Variants in NSD2 observed in about 807,000 individuals in gnomAD.
The protein encoded by NSD2 is histone-lysine N-methyltransferase NSD2.
A neutral mutation model predicts 139.0 loss-of-function variants in NSD2; 12 were observed. The ratio of observed to expected loss-of-function variants is 0.09; its 90% CI spans 0.06 to 0.14. The LOEUF is 0.14. NSD2 is among the 10% of genes least tolerant of loss of function. NSD2 has a pLI of 1.00. For synonymous variants in NSD2, 669 were observed against 648.7 expected, an observed-to-expected ratio of 1.03 and a Z score of -0.48; for missense variants, 1,155 against 1,745.0, an observed-to-expected ratio of 0.66 and a Z score of 6.02.
chr4:1,878,226 GAT>G (rs1164167293), intron 1 of NSD2, among the ~76,000 whole-genome samples: 1,086 of 25,970 alleles, frequency 0.042, 83 homozygotes, highest in Non-Finnish European at 0.054. Flanking sequence ...ATGCCCGGCT[GAT>G]ATATATATAT....
At chr4:1,898,690 CTTTTTTT>C (rs79385915) in intron 1 of NSD2, among the ~76,000 whole-genome samples, 3 of 134,846 alleles carry the variant, frequency 2.2e-5, no homozygotes. Context: ...AAAAAACACA[CTTTTTTT>C]TTTTTTTTTG....
At chr4:1,894,187 C>G (rs1305958857) in intron 1 of NSD2, among the ~76,000 whole-genome samples, 2 of 151,930 alleles carry the variant, frequency 1.3e-5, no homozygotes, top group East Asian at 3.9e-4. Flanking sequence ...AGACTCCTGA[C>G]CTCGAGTGAT....
At chr4:1,963,388 G>T (rs1367874249) in intron 18 of NSD2, among the ~76,000 whole-genome samples, 1 of 152,164 alleles carries the variant, frequency 6.6e-6, no homozygotes, top group African/African-American at 2.4e-5. Context: ...CCTAGGGAAG[G>T]GACTAATAAA....
rs952696989 is a variant in NSD2, at chr4:1,976,319, C to A, written c.3622-156C>A. Reference sequence around the variant, plus strand: ...CTGAGTCGAGTGAGTCTAAGGATGTCTGGGGAGCACGAGGAGGACACTCCT... The same window carrying A: ...CTGAGTCGAGTGAGTCTAAGGATGTATGGGGAGCACGAGGAGGACACTCCT... On this transcript the variant is annotated intron_variant, in intron 20 of 21. Coordinates refer to ENST00000508803, the MANE Select transcript of NSD2 (RefSeq NM_001042424.3). This position sits in a 1 kb window ranked among gnomAD's most constrained non-coding sequence, Gnocchi z 5.3. The A allele has an allele frequency of 3.9e-6, 3 of 763,044 alleles. No homozygotes were observed. Among genetic ancestry groups the A allele is most frequent in the Non-Finnish European group, 6.4e-6 (3 of 467,870 alleles). 47.3% of individuals were successfully genotyped at this position (763,044 alleles called of 1,614,324 possible).
chr4:1,880,332 A>G (rs184277377), intron 1 of NSD2, among the ~76,000 whole-genome samples: 33 of 152,046 alleles, frequency 2.2e-4, no homozygotes, highest in African/African-American at 7.5e-4. Flanking sequence ...CTGACCTCTG[A>G]TTCTGTACCC....
intron 9 of NSD2, chr4:1,941,163 A>G: frequency 9.5e-7 from 1 of 1,053,660 alleles, no homozygotes; most frequent in Non-Finnish European, 1.1e-6. Context: ...GTCCAAGTTC[A>G]GGTTAAAATC....
chr4:1,978,774 C>G lies in NSD2; in HGVS notation c.3963C>G (p.Ser1321=), dbSNP rs770823768. 4.3e-6 allele frequency: 7 copies of G among 1,614,020 alleles called. No homozygotes were observed. Among genetic ancestry groups the G allele is most frequent in the Non-Finnish European group, 5.9e-6 (7 of 1,179,912 alleles). Reference sequence around the variant, plus strand: ...TCAGCTGCACCCCGGACGGGCGGTCCTACTGCTGTGAGCATGACTTAGGGG... The same window carrying G: ...TCAGCTGCACCCCGGACGGGCGGTCGTACTGCTGTGAGCATGACTTAGGGG... ...TAFSCTPDGR[S]YCCEHDLGAA... Residue 1321 remains serine, a synonymous_variant, in exon 22 of 22, where the codon TCC becomes TCG. Coordinates refer to ENST00000508803, the MANE Select transcript of NSD2 (RefSeq NM_001042424.3).
At chr4:1,938,621 G>T in intron 8 of NSD2, 89 bp downstream of exon 8, 1 of 1,163,728 alleles carries the variant, frequency 8.6e-7, no homozygotes, top group Non-Finnish European at 1.3e-6. Flanking sequence ...GGGGAAGGCT[G>T]GGGCTGGTGA....
intron 9 of NSD2, chr4:1,945,915 TC>T: frequency 9.4e-7 from 1 of 1,058,594 alleles, no homozygotes; most frequent in Non-Finnish European, 1.1e-6. Context: ...ACAACACACT[TC>T]TCTAACATCT....
In NSD2 at chr4:1,956,737, C is replaced by T. The variant is rs1315597703; in HGVS notation, c.2881+549C>T. Among the ~76,000 whole-genome samples the T allele has an allele frequency of 2.0e-5, 3 of 152,170 alleles. No individual in the cohort carries two copies. The highest frequency in any genetic ancestry group is 2.0e-4 in the Admixed American group (3 of 15,278). On this transcript the variant is annotated intron_variant, in intron 15 of 21. Transcript: ENST00000508803. This position sits in a 1 kb window ranked among gnomAD's most constrained non-coding sequence, Gnocchi z 5.3. ...AACTGGAGGAACTGGTATTTATGAT[C>T]GGTCAAGAGAGAATGAGGCCAGTAG...
chr4:1,872,633 A>AGAGAGAGAGAGAGAGAGAGAGAGC (rs1203166315), intron 1 of NSD2, among the ~76,000 whole-genome samples: 5 of 131,114 alleles, frequency 3.8e-5, no homozygotes, highest in Non-Finnish European at 5.1e-5. Flanking sequence ...AGAGAGAGAG[A>AGAGAGAGAGAGAGAGAGAGAGAGC]GAGCGCGCAG....
intron 5 of NSD2, among the ~76,000 whole-genome samples, chr4:1,929,742 G>A (rs1274141360): frequency 6.6e-6 from 1 of 152,180 alleles, no homozygotes; most frequent in Non-Finnish European, 1.5e-5. Context: ...TGGCTGGCTG[G>A]CATTAGTGTG....
Position 1,980,555 on chromosome 4 carries a change from G to T in NSD2, c.*1646G>T, listed in dbSNP as rs1727655164. The T allele has an allele frequency of 4.3e-6, 1 of 233,148 alleles. No homozygotes were observed. The highest frequency in any genetic ancestry group is 2.2e-5 in the African/African-American group (1 of 45,326). 14.4% of individuals were successfully genotyped at this position (233,148 alleles called of 1,614,324 possible). On this transcript the variant is annotated 3_prime_UTR_variant, in exon 22 of 22. Transcript: ENST00000508803. ...CTTGGTAAAAACTGCAGTGTCTTTGGACCTGAGAGTGGCTACTCCGTGGTT... is the reference window on the plus strand; with the variant it reads ...CTTGGTAAAAACTGCAGTGTCTTTGTACCTGAGAGTGGCTACTCCGTGGTT...
chr4:1,872,591 T>TGTGTGTGTGTGA (rs1281608141), intron 1 of NSD2, among the ~76,000 whole-genome samples: 1 of 44,896 alleles, frequency 2.2e-5, no homozygotes, highest in East Asian at 1.3e-3. Context: ...TGTGTGTGTG[T>TGTGTGTGTGTGA]GAGAGAGAGA....
chr4:1,921,875 G>A (rs527646806), intron 5 of NSD2, among the ~76,000 whole-genome samples: 6 of 152,104 alleles, frequency 3.9e-5, no homozygotes, highest in Admixed American at 2.6e-4. Flanking sequence ...TAGGCCGGGC[G>A]CGGTGGCTCA....
rs140337521 is a variant in NSD2 at position 1,978,273 on chromosome 4, C to A, written c.3827-365C>A. Among the ~76,000 whole-genome samples the A allele has an allele frequency of 7.7e-4, 118 of 152,276 alleles. 1 individual carries two copies. The highest frequency in any genetic ancestry group is 2.6e-3 in the African/African-American group (110 of 41,558). On this transcript the variant is annotated intron_variant, in intron 21 of 21. Coordinates refer to ENST00000508803, the MANE Select transcript of NSD2 (RefSeq NM_001042424.3). ...CAGAGTCATGCCAGAAAGATGAATA[C>A]CCAAGTTGAAAATCAGTCCCTTGGG...
chr4:1,941,659 T>C, intron 9 of NSD2: 1 of 1,042,780 alleles, frequency 9.6e-7, no homozygotes, highest in East Asian at 5.7e-5. Flanking sequence ...AGGTGATGCA[T>C]AGATCCCATA....
chr4:1,877,411 T>C (rs547805979), intron 1 of NSD2, among the ~76,000 whole-genome samples: 1 of 152,318 alleles, frequency 6.6e-6, no homozygotes, highest in Non-Finnish European at 1.5e-5. Context: ...GCTTTCTGAC[T>C]CTCACTGCAC....
At chr4:1,938,593 T>TGGGGTGGGGGGGG in intron 8 of NSD2, 61 bp downstream of exon 8, 1 of 515,358 alleles carries the variant, frequency 1.9e-6, no homozygotes, top group Non-Finnish European at 3.7e-6. Context: ...GCTGGGTGGG[T>TGGGGTGGGGGGGG]GGGCTGAGAG....
Sources: allele counts gnomAD v4.1 joint callset (sites outside exome capture counted in the v4.1 genomes callset), GRCh38; gene constraint gnomAD v4.1.1; non-coding constraint Gnocchi (gnomAD v3.1); transcripts MANE v1.5; gene names NCBI Gene and HGNC (gene_info 2026-07-23, HGNC 2026-07-21).